The following GRID2 variants were observed in gnomAD, a reference collection of about 807,000 sequenced individuals.
GRID2 encodes the protein glutamate ionotropic receptor delta type subunit 2.
Under a neutral mutation model 114.8 loss-of-function variants are expected in GRID2, and 33 were observed. The observed-to-expected ratio is 0.29, with a 90% confidence interval of 0.22 to 0.38. The LOEUF (loss-of-function observed/expected upper bound fraction) is 0.38. Among genes scored for constraint, GRID2 ranks in the 10% least tolerant of loss-of-function variants. The pLI, the probability that GRID2 is intolerant of heterozygous loss-of-function variation, is 1.00. For missense variants in GRID2, 1,184 were observed against 1,257.7 expected (o/e 0.94, Z 0.89); for synonymous variants, 505 against 449.9 (o/e 1.12, Z -1.55).
intron 14 of GRID2, among the ~76,000 whole-genome samples, chr4:93,742,166 C>G (rs1314667572): frequency 6.6e-6 from 1 of 152,082 alleles, no homozygotes; most frequent in Non-Finnish European, 1.5e-5. Flanking sequence ...AAATTGCCCC[C>G]AAATATACCC....
chr4:93,325,088 G>A (rs1257801850), intron 8 of GRID2, among the ~76,000 whole-genome samples: 1 of 152,042 alleles, frequency 6.6e-6, no homozygotes, highest in Non-Finnish European at 1.5e-5. Flanking sequence ...ACTTTTGAAT[G>A]TGTTTGCTCT....
In GRID2 at chr4:93,422,835, C is replaced by G. The variant is rs533873407; in HGVS notation, c.1412C>G (p.Ser471Cys). 2.6e-5 allele frequency: 42 copies of G among 1,613,392 alleles called. No homozygotes were observed. The African/African-American group carries it at 3.7e-4, about 14-fold the overall frequency. The change falls in exon 10 of 16, where the codon TCC becomes TGC. Residue 471 changes from serine (S) to cysteine (C), a missense_variant. By Grantham distance (112) the Ser-to-Cys change is moderately radical. Transcript: ENST00000282020. ...AAGCCGAAGAAATACCAGGGCTTCT[C>G]CATTGATGTTTTGGATGCCTTATCT... ...LGKPKKYQGFSIDVLDALSNY... is the reference protein window; with the variant it reads ...LGKPKKYQGFCIDVLDALSNY...
intron 2 of GRID2, among the ~76,000 whole-genome samples, chr4:92,716,406 G>T (rs1735554317): frequency 6.6e-6 from 1 of 152,158 alleles, no homozygotes; most frequent in Admixed American, 6.6e-5. Flanking sequence ...GCCCTGTAGT[G>T]GTCATGTCCC....
At chr4:93,224,834 G>A in intron 7 of GRID2, 59 bp downstream of exon 7, 2 of 1,203,620 alleles carry the variant, frequency 1.7e-6, no homozygotes, top group South Asian at 1.3e-5. Flanking sequence ...ACATATTTTA[G>A]AAAAAGGGTT....
intron 1 of GRID2, among the ~76,000 whole-genome samples, chr4:93,783,214 G>A (rs1362896681): frequency 2.0e-5 from 3 of 151,976 alleles, no homozygotes; most frequent in South Asian, 4.1e-4. Context: ...CTATGTAGGT[G>A]TTTCACCTGA....
At chr4:93,291,683 C>A (rs1270878530) in intron 8 of GRID2, among the ~76,000 whole-genome samples, 1 of 152,174 alleles carries the variant, frequency 6.6e-6, no homozygotes, top group South Asian at 2.1e-4. Context: ...GTTAGTGTGA[C>A]AAACTCATAG....
chr4:93,359,697 C>G (rs1476618129), intron 8 of GRID2, among the ~76,000 whole-genome samples: 1 of 147,324 alleles, frequency 6.8e-6, no homozygotes, highest in African/African-American at 2.5e-5. Flanking sequence ...TCATTTCATT[C>G]AACATAATGA....
chr4:93,539,387 G>A (rs746269778), intron 13 of GRID2, among the ~76,000 whole-genome samples: 2 of 151,836 alleles, frequency 1.3e-5, no homozygotes, highest in Non-Finnish European at 2.9e-5. Context: ...TATGTCCTTA[G>A]CACTTATTCA....
chr4:92,896,836 A>G (rs983414493), intron 2 of GRID2, among the ~76,000 whole-genome samples: 6 of 152,194 alleles, frequency 3.9e-5, no homozygotes, highest in Non-Finnish European at 7.4e-5. Flanking sequence ...TCTGCCTCCC[A>G]GGTTCAAGCA....
chr4:92,711,279 T>C (rs1443395074), intron 2 of GRID2, among the ~76,000 whole-genome samples: 2 of 152,230 alleles, frequency 1.3e-5, no homozygotes, highest in African/African-American at 4.8e-5. Flanking sequence ...GACCTACTTA[T>C]TAGTTGAATG....
chr4:92,438,840 A>G (rs1732865410), intron 1 of GRID2, among the ~76,000 whole-genome samples: 1 of 152,216 alleles, frequency 6.6e-6, no homozygotes, highest in African/African-American at 2.4e-5. Context: ...CTGTGCATCT[A>G]TTCATGTAAT....
chr4:93,318,002 T>TATATATAC (rs1756852721), intron 8 of GRID2, among the ~76,000 whole-genome samples: 1 of 136,578 alleles, frequency 7.3e-6, no homozygotes, highest in African/African-American at 2.6e-5. Flanking sequence ...TATATATATA[T>TATATATAC]ATATATATAT....
intron 1 of GRID2, among the ~76,000 whole-genome samples, chr4:92,319,503 T>C (rs1201324520): frequency 2.6e-5 from 4 of 152,230 alleles, no homozygotes; most frequent in Non-Finnish European, 5.9e-5. Context: ...TGTCAGGTCA[T>C]TCAGGCCTTT....
intron 2 of GRID2, among the ~76,000 whole-genome samples, chr4:92,794,374 G>C (rs1384923685): frequency 6.6e-6 from 1 of 151,710 alleles, no homozygotes; most frequent in Non-Finnish European, 1.5e-5. Context: ...ATATATGTGT[G>C]TATATACATA....
Position 92,636,548 on chromosome 4 carries a change from G to A in GRID2, c.244+46262G>A, listed in dbSNP as rs141768048. Among the ~76,000 whole-genome samples the A allele has an allele frequency of 3.1e-3, 470 of 152,132 alleles. 1 individual carries two copies. The highest frequency in any genetic ancestry group is 0.011 in the African/African-American group (450 of 41,528). ...TGATACATTTCACAGTCACATGGTG[G>A]TAGGGGACAGTGTGGGAAAGAGAAA... On this transcript the variant is annotated intron_variant, in intron 2 of 15. Coordinates refer to ENST00000282020, the MANE Select transcript of GRID2 (RefSeq NM_001510.4).
chr4:93,543,742 G>C (rs907025753), intron 13 of GRID2, among the ~76,000 whole-genome samples: 1 of 151,020 alleles, frequency 6.6e-6, no homozygotes, highest in South Asian at 2.1e-4. Context: ...GAGAGAGAGA[G>C]AGAGAAGCAG....
intron 2 of GRID2, among the ~76,000 whole-genome samples, chr4:92,597,019 T>G (rs1728987786): frequency 6.6e-6 from 1 of 152,044 alleles, no homozygotes; most frequent in African/African-American, 2.4e-5. Flanking sequence ...AACAAGATGG[T>G]CTAGCTTTTT....
At chr4:92,474,046 T>C (rs1011012126) in intron 1 of GRID2, among the ~76,000 whole-genome samples, 2 of 151,328 alleles carry the variant, frequency 1.3e-5, no homozygotes, top group Non-Finnish European at 3.0e-5. Flanking sequence ...AGGTCTATTC[T>C]CTTAGCAAAT....
At chr4:92,452,405 C>G (rs1579389820) in intron 1 of GRID2, among the ~76,000 whole-genome samples, 1 of 151,764 alleles carries the variant, frequency 6.6e-6, no homozygotes, top group East Asian at 1.9e-4. Context: ...GTAACCTCTG[C>G]CTCCTAAGTT....
Sources: gnomAD v4.1 joint callset for allele counts (sites outside exome capture counted in the v4.1 genomes callset) on GRCh38, gnomAD v4.1.1 for gene constraint, MANE v1.5 for transcripts, NCBI Gene and HGNC (gene_info 2026-07-23, HGNC 2026-07-21) for gene names.